Variants in MXRA5 observed in about 807,000 individuals in gnomAD.
MXRA5 encodes matrix remodeling associated 5.
MXRA5 carries 41 observed loss-of-function variants against 112.5 expected under a neutral mutation model. The observed-to-expected ratio is 0.36, with a 90% CI of 0.28 to 0.47. MXRA5 has a LOEUF of 0.47. Ranked by LOEUF, MXRA5 falls within the 20% of genes least tolerant of loss-of-function variation. The pLI is 0.99. For synonymous variants in MXRA5, 862 were observed against 900.8 expected, an observed-to-expected ratio of 0.96 and a Z score of 0.77; for missense variants, 2,150 against 2,251.0, an observed-to-expected ratio of 0.96 and a Z score of 0.91.
chrX:3,312,099 G>C (rs1376823728), intron 6 of MXRA5, among the ~76,000 whole-genome samples: 2 of 112,078 alleles, frequency 1.8e-5, no homozygotes, highest in African/African-American at 6.5e-5. Flanking sequence ...TTGTATCCCA[G>C]TTTTGGGCAA....
chrX:3,317,330 G>A lies in MXRA5; in HGVS notation c.6351C>T (p.Ser2117=), dbSNP rs1424342411. The A allele has an allele frequency of 2.5e-6, 3 of 1,207,588 alleles. No individual in the cohort carries two copies. The highest frequency in any genetic ancestry group is 4.4e-5 in the Admixed American group (2 of 45,801). ...TGGCGGCCACGCACTCATAGCGCCC[G>A]CTGTCCTTGGGCGCGAGGTTGCGGA... ...LYIRNLAPKD[S]GRYECVAANL... Residue 2117 remains serine (S), a synonymous_variant, in exon 6 of 7, where the codon AGC becomes AGT. Transcript: ENST00000217939.
In MXRA5 at chrX:3,309,615, A is replaced by T; in HGVS notation, c.*101T>A. On this transcript the variant is annotated 3_prime_UTR_variant, in exon 7 of 7. Transcript: ENST00000217939. ...TGAAACCCACCAGAGGCCACCATGCACTGTGACACATTATTTAAGAGCTCC... is the reference window on the plus strand; with the variant it reads ...TGAAACCCACCAGAGGCCACCATGCTCTGTGACACATTATTTAAGAGCTCC... 1 of 689,734 alleles carries T rather than the reference A, an allele frequency of 1.4e-6. No individual in the cohort carries two copies. Among genetic ancestry groups the T allele is most frequent in the Non-Finnish European group, 2.2e-6 (1 of 461,060 alleles). The allele number at this position is 689,734 out of a possible 1,213,427, so 56.8% of individuals were successfully genotyped here. A position where few individuals can be genotyped will look rare whatever the true frequency, so the allele number is the denominator to read the frequency against.
intron 2 of MXRA5, among the ~76,000 whole-genome samples, chrX:3,340,559 T>A (rs751063597): frequency 4.5e-5 from 5 of 111,408 alleles, no homozygotes; most frequent in African/African-American, 1.6e-4. Context: ...CAGAAAACTA[T>A]CTCTAGATAT....
intron 6 of MXRA5, among the ~76,000 whole-genome samples, chrX:3,314,955 T>C (rs1002197881): frequency 3.6e-5 from 4 of 110,137 alleles, no homozygotes; most frequent in African/African-American, 1.3e-4. Context: ...AATAGATACA[T>C]AAGAGATAAA....
intron 2 of MXRA5, among the ~76,000 whole-genome samples, chrX:3,337,704 C>G (rs1921813571): frequency 8.9e-6 from 1 of 111,964 alleles, no homozygotes; most frequent in Non-Finnish European, 1.9e-5. Context: ...GGGAGGGAGG[C>G]AGAAATGAGG....
chrX:3,311,517 T>G lies in MXRA5; in HGVS notation c.6686A>C (p.Asp2229Ala). 1 of 1,211,855 alleles carries G rather than the reference T, an allele frequency of 8.3e-7. No homozygotes were observed. The highest frequency in any genetic ancestry group is 1.1e-6 in the Non-Finnish European group (1 of 895,531). ...ATCCACTTTGAGCACCACGTAGTCA[T>G]CACCAACCTTATTTCGAGCTACGCA... is the stretch of plus-strand genomic sequence containing the variant. ...YLCVARNKVG[D>A]DYVVLKVDVV... The change falls in exon 7 of 7, where the codon GAT (aspartate) becomes GCT (alanine). Residue 2229 changes from aspartate to alanine, a missense_variant. Physicochemically the swap from Asp to Ala is moderately radical, Grantham distance 126. This residue lies in a region of MXRA5 where 1,485 missense variants were observed against 1,471.6 expected (regional missense o/e 1.01). Transcript: ENST00000217939.
chrX:3,317,283 C>T lies in MXRA5; in HGVS notation c.6398G>A (p.Arg2133Lys). 3 of 1,207,040 alleles carry T rather than the reference C, an allele frequency of 2.5e-6. No homozygotes were observed. Among genetic ancestry groups the T allele is most frequent in the Non-Finnish European group, 3.4e-6 (3 of 892,991 alleles). Residue 2133 changes from arginine (R) to lysine (K), a missense_variant, in exon 6 of 7, where the codon AGG becomes AAG. Coordinates refer to ENST00000217939, the MANE Select transcript of MXRA5 (RefSeq NM_015419.4). ...ACGCTGCACGTTCAGCTGCACCGTC[C>T]TGCGCGCGGAGCCTACCAGGTTGGC... ...VAANLVGSARRTVQLNVQRAA... is the reference protein window; with the variant it reads ...VAANLVGSARKTVQLNVQRAA...
Position 3,323,380 on chromosome X carries a change from G to A in MXRA5, c.2305C>T (p.Arg769Ter), listed in dbSNP as rs1603467990. 5.8e-6 allele frequency: 7 copies of A among 1,211,540 alleles called. No individual in the cohort carries two copies. The highest frequency in any genetic ancestry group is 7.8e-6 in the Non-Finnish European group (7 of 895,424). ...AEGRRVFESR[R>*]RINMANKQIN... ...TGTTTGTTTGCCATGTTTATCCTTCGTCTAGATTCAAACACTCTGCGACCT... is the reference window on the plus strand; with the variant it reads ...TGTTTGTTTGCCATGTTTATCCTTCATCTAGATTCAAACACTCTGCGACCT... The change falls in exon 5 of 7, where the codon CGA becomes TGA. Residue 769 changes from arginine to a stop codon, truncating the protein, a stop_gained. Coordinates refer to ENST00000217939, the MANE Select transcript of MXRA5 (RefSeq NM_015419.4). LOFTEE classifies it high-confidence loss of function.
rs5982694 is a variant in MXRA5 at position 3,308,650 on chromosome X, G to T, written c.*1066C>A. The T allele has an allele frequency of 0.11, 12,639 of 111,488 alleles. 981 individuals carry two copies. The highest frequency in any genetic ancestry group is 0.28 in the African/African-American group (8,543 of 30,498). The allele number at this position is 111,488 out of a possible 1,213,427, so 9.2% of individuals were successfully genotyped here. ...AAAGCAGTCATGGAAATAACAGGTC[G>T]TGTATTATTCATGGGCACAAACTGA... On this transcript the variant is annotated 3_prime_UTR_variant, in exon 7 of 7. Transcript: ENST00000217939.
chrX:3,330,345 T>C lies in MXRA5; in HGVS notation c.382A>G (p.Asn128Asp). ...ITGQTLQGLSNLMRLHIDHNK... is the reference protein window; with the variant it reads ...ITGQTLQGLSDLMRLHIDHNK... ...TGGTCAATGTGCAGCCTCATTAAGTTAGAGAGACCCTGGAGGGTCTGTCCT... is the reference window on the plus strand; with the variant it reads ...TGGTCAATGTGCAGCCTCATTAAGTCAGAGAGACCCTGGAGGGTCTGTCCT... The change falls in exon 4 of 7, where the codon AAC becomes GAC. Residue 128 changes from asparagine (N) to aspartate (D), a missense_variant. Around this residue, in one of 6 missense-constraint regions of MXRA5, gnomAD observed 386 missense variants for 411.0 expected, o/e 0.94. Transcript: ENST00000217939. 3 of 1,210,532 alleles carry C rather than the reference T, an allele frequency of 2.5e-6. No homozygotes were observed. Among genetic ancestry groups the C allele is most frequent in the Non-Finnish European group, 3.4e-6 (3 of 894,836 alleles).
intron 2 of MXRA5, among the ~76,000 whole-genome samples, chrX:3,341,059 A>G (rs1429327801): frequency 1.1e-4 from 8 of 72,111 alleles, no homozygotes; most frequent in Non-Finnish European, 2.0e-4. Context: ...AATATATATT[A>G]TATATTATAT....
chrX:3,324,099 T>G lies in MXRA5; in HGVS notation c.1586A>C (p.Asp529Ala). 1 of 1,210,043 alleles carries G rather than the reference T, an allele frequency of 8.3e-7. No individual in the cohort carries two copies. The highest frequency in any genetic ancestry group is 1.1e-6 in the Non-Finnish European group (1 of 894,737). Residue 529 changes from aspartate (D) to alanine (A), a missense_variant, in exon 5 of 7, where the codon GAC (aspartate) becomes GCC (alanine). By Grantham distance (126) the Asp-to-Ala change is moderately radical. This residue lies in a region of MXRA5 where 386 missense variants were observed against 411.0 expected (regional missense o/e 0.94). Coordinates refer to ENST00000217939, the MANE Select transcript of MXRA5 (RefSeq NM_015419.4). ...ACTGCTGAGAATGGAGAACTTGCTG[T>G]CTGGGTCATCCATGGGCGCTTTCAG... ...SILKAPMDDP[D>A]SKFSILSSGW...
At chrX:3,313,294 C>G (rs1921015459) in intron 6 of MXRA5, among the ~76,000 whole-genome samples, 1 of 112,438 alleles carries the variant, frequency 8.9e-6, no homozygotes, top group Non-Finnish European at 1.9e-5. Flanking sequence ...GAGTCTCGCT[C>G]TGTCACCCAG....
At position 3,323,580 on chromosome X, in the gene MXRA5, G is replaced by A. The variant is rs758781187; in HGVS notation, c.2105C>T (p.Ser702Leu). 29 of 1,208,253 alleles carry A rather than the reference G, an allele frequency of 2.4e-5. No individual in the cohort carries two copies. Among genetic ancestry groups the A allele is most frequent in the Non-Finnish European group, 2.9e-5 (26 of 894,414 alleles). ...AGTGTTCTCTTCATCTCCCATGCCC[G>A]AGCCCCCTTCATCCTCCACGATGTC... ...REDIVEDEGG[S>L]GMGDEENTSR... The change falls in exon 5 of 7, where the codon TCG becomes TTG. Residue 702 changes from serine (S) to leucine (L), a missense_variant. This residue lies in a region of MXRA5 where 1,485 missense variants were observed against 1,471.6 expected (regional missense o/e 1.01). Coordinates refer to ENST00000217939, the MANE Select transcript of MXRA5 (RefSeq NM_015419.4).
In MXRA5 at chrX:3,311,343, G is replaced by A. The variant is rs749710230; in HGVS notation, c.6860C>T (p.Ser2287Phe). Residue 2287 changes from serine (S) to phenylalanine (F), a missense_variant, in exon 7 of 7, where the codon TCC becomes TTC. By Grantham distance (155) the Ser-to-Phe change is radical. Around this residue, in one of 6 missense-constraint regions of MXRA5, gnomAD observed 1,485 missense variants for 1,471.6 expected, o/e 1.01. Coordinates refer to ENST00000217939, the MANE Select transcript of MXRA5 (RefSeq NM_015419.4). ...WSLPDGSLVN[S>F]FMQSDDSGGR... Reference sequence around the variant, plus strand: ...ACCGCTGTCATCCGACTGCATGAAGGAGTTCACCAGACTCCCGTCTGGGAG... The same window carrying A: ...ACCGCTGTCATCCGACTGCATGAAGAAGTTCACCAGACTCCCGTCTGGGAG... 8.3e-7 allele frequency: 1 copy of A among 1,211,991 alleles called. No homozygotes were observed. Among genetic ancestry groups the A allele is most frequent in the South Asian group, 1.8e-5 (1 of 56,952 alleles).
intron 2 of MXRA5, among the ~76,000 whole-genome samples, chrX:3,337,239 G>T (rs1210905278): frequency 9.0e-6 from 1 of 111,624 alleles, no homozygotes; most frequent in African/African-American, 3.3e-5. Flanking sequence ...CTGGTATTTT[G>T]CTGTTGGCCA....
chrX:3,332,287 C>A (rs1265343384), intron 2 of MXRA5, among the ~76,000 whole-genome samples: 1 of 111,016 alleles, frequency 9.0e-6, no homozygotes, highest in Non-Finnish European at 1.9e-5. Flanking sequence ...GCTCTGTCGC[C>A]CAGTCTGGAG....
In MXRA5 at chrX:3,320,978, G is replaced by A. The variant is rs1921284908; in HGVS notation, c.4707C>T (p.Asn1569=). ...TTTCCAATTCCAGCTTTGTAGACAA[G>A]TTAAATGCATCCTGGTCGGAAGAGG... ...STPSSDQDAF[N]LSTKLELEKQ... is the part of the protein sequence containing the mutation. The change falls in exon 5 of 7, where the codon AAC becomes AAT. Residue 1569 remains asparagine, a synonymous_variant. Coordinates refer to ENST00000217939, the MANE Select transcript of MXRA5 (RefSeq NM_015419.4). 2.5e-6 allele frequency: 3 copies of A among 1,210,489 alleles called. No individual in the cohort carries two copies. Among genetic ancestry groups the A allele is most frequent in the Non-Finnish European group, 3.4e-6 (3 of 895,331 alleles).
intron 6 of MXRA5, among the ~76,000 whole-genome samples, chrX:3,315,503 A>G (rs1360646034): frequency 9.4e-6 from 1 of 106,571 alleles, no homozygotes; most frequent in Non-Finnish European, 1.9e-5. Flanking sequence ...GTGATGGGCC[A>G]TCCTGTGCAC....
Sources: gnomAD v4.1 joint callset for allele counts (sites outside exome capture counted in the v4.1 genomes callset) on GRCh38, gnomAD v4.1.1 for gene constraint, gnomAD v4.1.1 regional missense constraint, MANE v1.5 for transcripts, NCBI Gene and HGNC (gene_info 2026-07-23, HGNC 2026-07-21) for gene names.